HOOK1: variants seen among roughly 807,000 people sequenced by gnomAD.
HOOK1 encodes the protein protein Hook homolog 1.
A neutral mutation model predicts 112.8 loss-of-function variants in HOOK1; 60 were observed. The observed-to-expected ratio is 0.53, with a 90% CI of 0.43 to 0.66. The LOEUF (loss-of-function observed/expected upper bound fraction) is 0.66, where lower values mean the gene tolerates loss of function less well. HOOK1 is among the 30% of genes least tolerant of loss of function. The probability of loss-of-function intolerance (pLI) is 0.00; values close to 1 mark genes in which losing one functional copy is unlikely to be tolerated. For missense variants in HOOK1, 770 were observed against 856.0 expected (o/e 0.90, Z 1.25); for synonymous variants, 294 against 283.8 (o/e 1.04, Z -0.36).
At chr1:59,860,388 T>C (rs2098412963) in intron 15 of HOOK1, 60 bp downstream of exon 15, 3 of 1,397,836 alleles carry the variant, frequency 2.1e-6, no homozygotes, top group African/African-American at 1.5e-5. Flanking sequence ...CATAAAATCT[T>C]GATTCACAGA....
intron 1 of HOOK1, among the ~76,000 whole-genome samples, chr1:59,816,021 C>T (rs1298490423): frequency 6.6e-6 from 1 of 152,124 alleles, no homozygotes; most frequent in Non-Finnish European, 1.5e-5. Context: ...AGGTGTGGTT[C>T]TTAACCCATA....
rs533296658 is a variant in HOOK1, at chr1:59,831,427, G to A, written c.223-736G>A. ...ATTTTTTGGCCTGTATAATCTTTGG[G>A]AATGGTTCAGTTTATAGTTCCCTGG... On this transcript the variant is annotated intron_variant, in intron 3 of 21. Transcript: ENST00000371208. 1.8e-4 allele frequency among the ~76,000 whole-genome samples: 27 copies of A among 152,240 alleles called. No individual in the cohort carries two copies. The South Asian group carries it at 4.8e-3, about 27-fold the overall frequency.
At chr1:59,822,825 G>C (rs946886973) in intron 2 of HOOK1, among the ~76,000 whole-genome samples, 1 of 152,136 alleles carries the variant, frequency 6.6e-6, no homozygotes, top group Non-Finnish European at 1.5e-5. Context: ...TCCTATGCCT[G>C]TCTTAGAAAA....
Position 59,873,198 on chromosome 1 carries a change from A to G in HOOK1, c.*233A>G, listed in dbSNP as rs139589697. Reference sequence around the variant, plus strand: ...TTTGAATAATTGGAGATGCAGTTATACACACATTTCAAACAAACATTTGTC... The same window carrying G: ...TTTGAATAATTGGAGATGCAGTTATGCACACATTTCAAACAAACATTTGTC... On this transcript the variant is annotated 3_prime_UTR_variant, in exon 22 of 22. Coordinates refer to ENST00000371208, the MANE Select transcript of HOOK1 (RefSeq NM_015888.6). 5.9e-6 allele frequency: 2 copies of G among 337,482 alleles called. No homozygotes were observed. The highest frequency in any genetic ancestry group is 4.6e-5 in the East Asian group (1 of 21,978). 20.9% of individuals were successfully genotyped at this position (337,482 alleles called of 1,614,324 possible).
intron 3 of HOOK1, among the ~76,000 whole-genome samples, chr1:59,830,107 A>G (rs2098392683): frequency 6.6e-6 from 1 of 152,110 alleles, no homozygotes; most frequent in African/African-American, 2.4e-5. Context: ...GTCTTATTTT[A>G]TGACCGAACC....
chr1:59,826,825 C>T lies in HOOK1; in HGVS notation c.150-1955C>T, dbSNP rs1213560188. On this transcript the variant is annotated intron_variant, in intron 2 of 21. Coordinates refer to ENST00000371208, the MANE Select transcript of HOOK1 (RefSeq NM_015888.6). ...TTGCCCAGGCTGGAGTGCAAAGGCA[C>T]AATCTTGGCTCACTGCAACTTCTGT... 3.9e-5 allele frequency among the ~76,000 whole-genome samples: 6 copies of T among 152,300 alleles called. No individual in the cohort carries two copies. In the South Asian group the frequency reaches 1.2e-3, roughly 32 times the overall value.
Position 59,855,952 on chromosome 1 carries a change from ATATATATAAATTAT to A in HOOK1, c.1243-2467_1243-2454del, listed in dbSNP as rs1194130455. On this transcript the variant is annotated intron_variant, in intron 12 of 21. Transcript: ENST00000371208. ...CCATACCCAGCTAATTTATATATATATATATATAAATTATTATATATATATATATATATTTTTTT... is the reference window on the plus strand; with the variant it reads ...CCATACCCAGCTAATTTATATATATATATATATATATATATATATTTTTTT... 4.5e-3 allele frequency among the ~76,000 whole-genome samples: 441 copies of A among 97,020 alleles called. 1 individual carries two copies. The highest frequency in any genetic ancestry group is 0.011 in the Middle Eastern group (2 of 176). 63.6% of individuals were successfully genotyped at this position (97,020 alleles called of 152,430 possible). A position where few individuals can be genotyped will look rare whatever the true frequency, so the allele number is the denominator to read the frequency against.
In HOOK1 at chr1:59,835,433, A is replaced by G. The variant is rs1056763379; in HGVS notation, c.474+21A>G. On this transcript the variant is annotated intron_variant, in intron 6 of 21. Transcript: ENST00000371208. ...AAGAGGTAAGTTATATCATGTTCCTATGAGTATAAAAATCCTAAACCAAAT... is the reference window on the plus strand; with the variant it reads ...AAGAGGTAAGTTATATCATGTTCCTGTGAGTATAAAAATCCTAAACCAAAT... 9 of 1,413,646 alleles carry G rather than the reference A, an allele frequency of 6.4e-6. No individual in the cohort carries two copies. In the East Asian group the frequency reaches 1.6e-4, roughly 25 times the overall value. 87.6% of individuals were successfully genotyped at this position (1,413,646 alleles called of 1,614,324 possible). A position where few individuals can be genotyped will look rare whatever the true frequency, so the allele number is the denominator to read the frequency against.
chr1:59,860,336 G>A lies in HOOK1; in HGVS notation c.1532+8G>A, dbSNP rs2098412906. 1 of 1,553,030 alleles carries A rather than the reference G, an allele frequency of 6.4e-7. No homozygotes were observed. Among genetic ancestry groups the A allele is most frequent in the Non-Finnish European group, 8.7e-7 (1 of 1,153,224 alleles). ...ACTGGAAACTGAGCAGAGGTGATATGCTCCTTAGTAACTGAAAATCTTGGT... is the reference window on the plus strand; with the variant it reads ...ACTGGAAACTGAGCAGAGGTGATATACTCCTTAGTAACTGAAAATCTTGGT... On this transcript the variant is annotated splice_region_variant and intron_variant, in intron 15 of 21. Coordinates refer to ENST00000371208, the MANE Select transcript of HOOK1 (RefSeq NM_015888.6).
Position 59,872,905 on chromosome 1 carries a change from G to A in HOOK1, c.2127G>A (p.Arg709=). 6.6e-7 allele frequency: 1 copy of A among 1,523,470 alleles called. No homozygotes were observed. Among genetic ancestry groups the A allele is most frequent in the Non-Finnish European group, 8.9e-7 (1 of 1,127,644 alleles). 94.4% of individuals were successfully genotyped at this position (1,523,470 alleles called of 1,614,324 possible). The change falls in exon 22 of 22, where the codon CGG becomes CGA. Residue 709 remains arginine, a synonymous_variant. Coordinates refer to ENST00000371208, the MANE Select transcript of HOOK1 (RefSeq NM_015888.6). ...CGCGGTCTTTCTTAGCGCAGCAACG[G>A]CACATCACCAACACCAGAAGAAATC... ...TPARSFLAQQ[R]HITNTRRNLS... is the part of the protein sequence containing the mutation.
At chr1:59,852,910 C>T (rs2098407997) in intron 12 of HOOK1, among the ~76,000 whole-genome samples, 1 of 151,734 alleles carries the variant, frequency 6.6e-6, no homozygotes, top group Non-Finnish European at 1.5e-5. Flanking sequence ...GAGTATCTTG[C>T]TCAGTTTTCA....
chr1:59,857,213 G>T (rs2098411189), intron 12 of HOOK1, among the ~76,000 whole-genome samples: 1 of 152,166 alleles, frequency 6.6e-6, no homozygotes, highest in African/African-American at 2.4e-5. Flanking sequence ...ATTCTCTGTG[G>T]ATGGGGCTTT....
intron 16 of HOOK1, among the ~76,000 whole-genome samples, chr1:59,863,194 A>G (rs1436764167): frequency 6.6e-6 from 1 of 152,166 alleles, no homozygotes; most frequent in Non-Finnish European, 1.5e-5. Flanking sequence ...AGAGCATACT[A>G]CAATTGAGGC....
chr1:59,843,287 G>C, intron 8 of HOOK1, 145 bp from the exon 9 acceptor site: 2 of 444,524 alleles, frequency 4.5e-6, no homozygotes, highest in Non-Finnish European at 7.9e-6. Flanking sequence ...CATTCAGAAG[G>C]ATCCTTAGAA....
intron 12 of HOOK1, among the ~76,000 whole-genome samples, chr1:59,854,859 G>T (rs551717737): frequency 6.6e-6 from 1 of 152,272 alleles, no homozygotes; most frequent in Non-Finnish European, 1.5e-5. Flanking sequence ...TTGATTTCCA[G>T]ATTTGAAATA....
intron 2 of HOOK1, among the ~76,000 whole-genome samples, chr1:59,825,783 T>C (rs2098389415): frequency 6.6e-6 from 1 of 152,218 alleles, no homozygotes; most frequent in Admixed American, 6.5e-5. Context: ...TTTGCAGTAT[T>C]AATAAAATGA....
chr1:59,867,685 CAATTT>C (rs1643992368), intron 19 of HOOK1, among the ~76,000 whole-genome samples: 2 of 152,074 alleles, frequency 1.3e-5, no homozygotes, highest in Non-Finnish European at 2.9e-5. Context: ...TCTTTTTACT[CAATTT>C]TTAGTAATAA....
chr1:59,826,827 A>G (rs2098390312), intron 2 of HOOK1, among the ~76,000 whole-genome samples: 2 of 152,182 alleles, frequency 1.3e-5, no homozygotes, highest in African/African-American at 2.4e-5. Context: ...CAAAGGCACA[A>G]TCTTGGCTCA....
intron 6 of HOOK1, among the ~76,000 whole-genome samples, chr1:59,836,061 T>C (rs1468370345): frequency 6.6e-6 from 1 of 152,122 alleles, no homozygotes; most frequent in Non-Finnish European, 1.5e-5. Flanking sequence ...TTTTTTCTTT[T>C]TTTTCTTCCA....
Sources: allele counts gnomAD v4.1 joint callset (sites outside exome capture counted in the v4.1 genomes callset), GRCh38; gene constraint gnomAD v4.1.1; transcripts MANE v1.5; gene names NCBI Gene and HGNC (gene_info 2026-07-23, HGNC 2026-07-21).